RBM47: variants seen among roughly 807,000 people sequenced by gnomAD.
The protein encoded by RBM47 is RNA binding motif protein 47.
A neutral mutation model predicts 47.1 loss-of-function variants in RBM47; 21 were observed. That is an observed-to-expected ratio of 0.45 (90% CI 0.32 to 0.64). The LOEUF (loss-of-function observed/expected upper bound fraction) is 0.64. Among genes scored for constraint, RBM47 ranks in the 30% least tolerant of loss-of-function variants. The pLI, the probability that RBM47 is intolerant of heterozygous loss-of-function variation, is 0.05. For missense variants in RBM47, 708 were observed against 870.9 expected (o/e 0.81, Z 2.35); for synonymous variants, 375 against 361.7 (o/e 1.04, Z -0.42).
At chr4:40,618,755 G>T (rs116059435) in intron 1 of RBM47, among the ~76,000 whole-genome samples, 164 of 128,314 alleles carry the variant, frequency 1.3e-3, no homozygotes, top group African/African-American at 4.7e-3. Context: ...GTTGCAGTCA[G>T]CCATGATCAA....
In RBM47 at chr4:40,425,104, G is replaced by GCAA. The variant is rs1714842844; in HGVS notation, c.*799_*800insTTG. 1 of 152,564 alleles carries GCAA rather than the reference G, an allele frequency of 6.6e-6. No individual in the cohort carries two copies. The highest frequency in any genetic ancestry group is 6.5e-5 in the Admixed American group (1 of 15,280). The allele number at this position is 152,564 out of a possible 1,614,324, so 9.5% of individuals were successfully genotyped here. On this transcript the variant is annotated 3_prime_UTR_variant, in exon 7 of 7. Transcript: ENST00000295971. ...CCTAGGCTTGCCAAACATTGCGGTGGGATTGGGAATCTGGGGAGGAGGGGA... is the reference window on the plus strand; with the variant it reads ...CCTAGGCTTGCCAAACATTGCGGTGGCAAGATTGGGAATCTGGGGAGGAGGGGA...
chr4:40,508,284 G>A (rs112343307), intron 2 of RBM47, among the ~76,000 whole-genome samples: 185 of 152,260 alleles, frequency 1.2e-3, no homozygotes, highest in African/African-American at 4.1e-3. Flanking sequence ...ACCTTCTAGG[G>A]TAATTACTGC....
At chr4:40,576,705 G>A (rs1732372919) in intron 1 of RBM47, among the ~76,000 whole-genome samples, 1 of 152,152 alleles carries the variant, frequency 6.6e-6, no homozygotes, top group East Asian at 1.9e-4. Flanking sequence ...TCAGGGTGCT[G>A]GGATTACAGG....
chr4:40,608,853 GAAGTT>G (rs1420199067), intron 1 of RBM47, among the ~76,000 whole-genome samples: 8 of 152,192 alleles, frequency 5.3e-5, no homozygotes, highest in Non-Finnish European at 1.0e-4. Flanking sequence ...ACCAATGAAT[GAAGTT>G]AAATCTTATA....
At chr4:40,504,028 A>C (rs1255581988) in intron 2 of RBM47, among the ~76,000 whole-genome samples, 3 of 152,168 alleles carry the variant, frequency 2.0e-5, no homozygotes, top group East Asian at 3.9e-4. Flanking sequence ...GTGAAAAAAA[A>C]ATTTTTTTAA....
intron 1 of RBM47, among the ~76,000 whole-genome samples, chr4:40,565,912 T>A (rs576916599): frequency 4.4e-4 from 67 of 151,238 alleles, no homozygotes; most frequent in African/African-American, 1.6e-3. Context: ...CTACAAAAAA[T>A]AAAAAACTAG....
intron 6 of RBM47, 93 bp from the exon 7 acceptor site, chr4:40,426,236 C>A: frequency 6.7e-7 from 1 of 1,486,524 alleles, no homozygotes; most frequent in Non-Finnish European, 9.0e-7. Flanking sequence ...GACGGGAATA[C>A]AAAGACACAA....
chr4:40,444,057 G>A (rs753211327), intron 3 of RBM47, among the ~76,000 whole-genome samples: 3 of 151,992 alleles, frequency 2.0e-5, no homozygotes, highest in Non-Finnish European at 4.4e-5. Flanking sequence ...AAATTAGCCG[G>A]GCATGGTGGT....
At chr4:40,476,648 C>T (rs1719650942) in intron 2 of RBM47, among the ~76,000 whole-genome samples, 1 of 152,018 alleles carries the variant, frequency 6.6e-6, no homozygotes, top group Non-Finnish European at 1.5e-5. Context: ...GGAACCTCAT[C>T]GAAAGTCTCT....
At chr4:40,447,436 G>T (rs750244227) in intron 3 of RBM47, among the ~76,000 whole-genome samples, 10 of 152,200 alleles carry the variant, frequency 6.6e-5, no homozygotes, top group Non-Finnish European at 1.2e-4. Flanking sequence ...TTTAGCGTTT[G>T]TTCAGAGTAG....
chr4:40,502,993 A>AG lies in RBM47; in HGVS notation c.-154-36295_-154-36294insC, dbSNP rs533130787. 1.7e-3 allele frequency among the ~76,000 whole-genome samples: 258 copies of AG among 151,862 alleles called. 1 individual carries two copies. Among genetic ancestry groups the AG allele is most frequent in the African/African-American group, 5.9e-3 (246 of 41,422 alleles). ...TGTACAACCCTGTCTGTACAAAAAAAAAAAAAAAAAAGAATGGAAAAAGAA... is the reference window on the plus strand; with the variant it reads ...TGTACAACCCTGTCTGTACAAAAAAAGAAAAAAAAAAAGAATGGAAAAAGAA... On this transcript the variant is annotated intron_variant, in intron 2 of 6. Coordinates refer to ENST00000295971, the MANE Select transcript of RBM47 (RefSeq NM_001098634.2).
At chr4:40,525,661 A>AG (rs200947608) in intron 2 of RBM47, among the ~76,000 whole-genome samples, 7 of 146,722 alleles carry the variant, frequency 4.8e-5, no homozygotes, top group African/African-American at 1.9e-4. Flanking sequence ...AAGGATAAAT[A>AG]GGGGAAAAAA....
At chr4:40,456,851 G>A (rs941886748) in intron 3 of RBM47, among the ~76,000 whole-genome samples, 2 of 151,528 alleles carry the variant, frequency 1.3e-5, no homozygotes, top group Non-Finnish European at 2.9e-5. Context: ...CTCCTGCCTC[G>A]GCCTCCCAAA....
intron 1 of RBM47, among the ~76,000 whole-genome samples, chr4:40,606,265 T>C (rs1014163905): frequency 2.7e-5 from 4 of 148,626 alleles, no homozygotes; most frequent in Admixed American, 2.7e-4. Context: ...AGGTGATATA[T>C]AGATATGGGG....
chr4:40,489,464 A>G (rs1341783331), intron 2 of RBM47, among the ~76,000 whole-genome samples: 1 of 152,168 alleles, frequency 6.6e-6, no homozygotes, highest in African/African-American at 2.4e-5. Context: ...GACTCAACTT[A>G]CTAAACTCAG....
intron 2 of RBM47, among the ~76,000 whole-genome samples, chr4:40,527,761 T>TGTGTG (rs1726892575): frequency 2.0e-5 from 2 of 99,468 alleles, no homozygotes; most frequent in African/African-American, 8.0e-5. Flanking sequence ...TGTGTGTGTG[T>TGTGTG]TTGGGGGGTG....
chr4:40,491,231 G>A (rs1356674812), intron 2 of RBM47, among the ~76,000 whole-genome samples: 1 of 152,202 alleles, frequency 6.6e-6, no homozygotes, highest in African/African-American at 2.4e-5. Flanking sequence ...GATGGGAATA[G>A]TCTTTTGAAG....
intron 2 of RBM47, among the ~76,000 whole-genome samples, chr4:40,479,769 C>G (rs1458829415): frequency 6.6e-6 from 1 of 151,876 alleles, no homozygotes; most frequent in Non-Finnish European, 1.5e-5. Context: ...TCCTAAGTAG[C>G]TGGGACTACA....
chr4:40,533,981 A>G (rs960318194), intron 2 of RBM47, among the ~76,000 whole-genome samples: 3 of 151,536 alleles, frequency 2.0e-5, no homozygotes, highest in Admixed American at 2.0e-4. Flanking sequence ...ACGCCCGGCT[A>G]ATTCTGTATT....
Sources: gnomAD v4.1 joint callset for allele counts (sites outside exome capture counted in the v4.1 genomes callset) on GRCh38, gnomAD v4.1.1 for gene constraint, MANE v1.5 for transcripts, NCBI Gene and HGNC (gene_info 2026-07-23, HGNC 2026-07-21) for gene names.